Variants in PRKCA observed in about 807,000 individuals in gnomAD.
The protein encoded by PRKCA is protein kinase C alpha type.
A neutral mutation model predicts 87.0 loss-of-function variants in PRKCA; 27 were observed. The ratio of observed to expected loss-of-function variants is 0.31; its 90% CI spans 0.23 to 0.43. The LOEUF (loss-of-function observed/expected upper bound fraction) is 0.43. Among genes scored for constraint, PRKCA ranks in the 20% least tolerant of loss-of-function variants. The pLI is 1.00. For missense variants in PRKCA, 518 were observed against 852.3 expected (o/e 0.61, Z 4.88); for synonymous variants, 329 against 311.1 (o/e 1.06, Z -0.61).
chr17:66,664,761 A>AT (rs1308961839), intron 5 of PRKCA, among the ~76,000 whole-genome samples: 2 of 137,772 alleles, frequency 1.5e-5, no homozygotes, highest in Non-Finnish European at 3.0e-5. Flanking sequence ...GGCTCAAGTG[A>AT]TTCTTCTGCC....
intron 8 of PRKCA, among the ~76,000 whole-genome samples, chr17:66,725,565 C>T (rs543917138): frequency 7.8e-4 from 118 of 151,784 alleles, no homozygotes; most frequent in Admixed American, 1.8e-3. Context: ...AATCCCAGCA[C>T]TTTGAGAGGC....
At chr17:66,674,909 G>A (rs552833715) in intron 5 of PRKCA, among the ~76,000 whole-genome samples, 4 of 152,272 alleles carry the variant, frequency 2.6e-5, no homozygotes, top group African/African-American at 9.6e-5. Flanking sequence ...TTATGCCATG[G>A]AGGGCCTGAC....
chr17:66,443,795 C>G (rs1913894320), intron 2 of PRKCA, among the ~76,000 whole-genome samples: 1 of 152,136 alleles, frequency 6.6e-6, no homozygotes, highest in Non-Finnish European at 1.5e-5. Context: ...CCACCCACAC[C>G]TAATGAAAAA....
chr17:66,801,396 G>A (rs1047223331), intron 16 of PRKCA, among the ~76,000 whole-genome samples: 1 of 152,172 alleles, frequency 6.6e-6, no homozygotes, highest in African/African-American at 2.4e-5. Flanking sequence ...GGTTCCCTGG[G>A]GGAAGAATCA....
chr17:66,730,618 C>T (rs1194621598), intron 8 of PRKCA, among the ~76,000 whole-genome samples: 2 of 152,096 alleles, frequency 1.3e-5, no homozygotes, highest in Non-Finnish European at 2.9e-5. Flanking sequence ...TATAGCATGC[C>T]AATGTATTAT....
rs759957819 is a variant in PRKCA at position 66,738,772 on chromosome 17, G to A, written c.1239G>A (p.Leu413=). 4 of 1,613,698 alleles carry A rather than the reference G, an allele frequency of 2.5e-6. No homozygotes were observed. Among genetic ancestry groups the A allele is most frequent in the Non-Finnish European group, 3.4e-6 (4 of 1,179,868 alleles). Residue 413 remains leucine, a synonymous_variant, in exon 11 of 17, where the codon CTG becomes CTA. Transcript: ENST00000413366. ...LHSCFQTVDR[L]YFVMEYVNGG... is the part of the protein sequence containing the mutation. ...TGAACCTTGGTCTGCAGGATCGGCT[G>A]TACTTCGTCATGGAATATGTCAACG...
At chr17:66,684,234 A>G (rs1972566929) in intron 5 of PRKCA, among the ~76,000 whole-genome samples, 1 of 152,226 alleles carries the variant, frequency 6.6e-6, no homozygotes, top group Admixed American at 6.5e-5. Context: ...TTGTGCTCTC[A>G]CCGAGTGCCT....
At chr17:66,743,412 T>C (rs992711054) in intron 13 of PRKCA, among the ~76,000 whole-genome samples, 2 of 152,188 alleles carry the variant, frequency 1.3e-5, no homozygotes, top group Non-Finnish European at 2.9e-5. Context: ...GTTGCAGTGA[T>C]GGTGTATTAG....
At chr17:66,310,367 C>G (rs926035402) in intron 2 of PRKCA, among the ~76,000 whole-genome samples, 1 of 152,104 alleles carries the variant, frequency 6.6e-6, no homozygotes, top group African/African-American at 2.4e-5. Context: ...CCTGAATGAT[C>G]GTCACTGGAT....
chr17:66,356,188 C>T (rs900486050), intron 2 of PRKCA, among the ~76,000 whole-genome samples: 1 of 152,186 alleles, frequency 6.6e-6, no homozygotes, highest in South Asian at 2.1e-4. Context: ...CATTAGCCAC[C>T]ACGCCCATCG....
chr17:66,484,343 A>G (rs1436704091), intron 2 of PRKCA, among the ~76,000 whole-genome samples: 1 of 152,206 alleles, frequency 6.6e-6, no homozygotes, highest in East Asian at 1.9e-4. Flanking sequence ...AAATAATCAG[A>G]TGACATTTTT....
chr17:66,684,293 T>C (rs1972569426), intron 5 of PRKCA, among the ~76,000 whole-genome samples: 2 of 152,288 alleles, frequency 1.3e-5, no homozygotes, highest in Admixed American at 6.5e-5. Flanking sequence ...AATCCTTGCT[T>C]GAAGGAGATA....
intron 2 of PRKCA, among the ~76,000 whole-genome samples, chr17:66,378,356 C>T (rs1185334639): frequency 6.6e-6 from 1 of 152,056 alleles, no homozygotes; most frequent in Non-Finnish European, 1.5e-5. Flanking sequence ...TCACATATGC[C>T]ATTTAAAATA....
At chr17:66,482,641 C>T (rs1009232695) in intron 2 of PRKCA, among the ~76,000 whole-genome samples, 2 of 152,182 alleles carry the variant, frequency 1.3e-5, no homozygotes, top group East Asian at 1.9e-4. Flanking sequence ...AGTACTTTCA[C>T]CAGCCAGCAA....
chr17:66,557,966 C>T (rs1183765573), intron 3 of PRKCA, among the ~76,000 whole-genome samples: 2 of 152,210 alleles, frequency 1.3e-5, no homozygotes, highest in Non-Finnish European at 2.9e-5. Flanking sequence ...AGTCCAGACA[C>T]CTGCCAGCAA....
At chr17:66,723,682 TG>T (rs1182592715) in intron 8 of PRKCA, among the ~76,000 whole-genome samples, 3 of 150,624 alleles carry the variant, frequency 2.0e-5, no homozygotes, top group African/African-American at 4.9e-5. Context: ...GAATAAAGCA[TG>T]GGGTGCTACA....
At chr17:66,678,281 GA>G (rs1342819860) in intron 5 of PRKCA, among the ~76,000 whole-genome samples, 25 of 152,202 alleles carry the variant, frequency 1.6e-4, no homozygotes, top group African/African-American at 5.3e-4. Context: ...AGAGCCTCCA[GA>G]AGGAACATGG....
chr17:66,484,707 A>G (rs1915924082), intron 2 of PRKCA, among the ~76,000 whole-genome samples: 2 of 152,224 alleles, frequency 1.3e-5, no homozygotes, highest in Non-Finnish European at 2.9e-5. Flanking sequence ...TAGTATAATA[A>G]AAACCATATA....
chr17:66,410,200 A>C, intron 2 of PRKCA, among the ~76,000 whole-genome samples: 1 of 72,660 alleles, frequency 1.4e-5, no homozygotes, highest in Admixed American at 2.1e-4. Context: ...AGGTGATACC[A>C]ACAGAGATTT....
Sources: gnomAD v4.1 joint callset for allele counts (sites outside exome capture counted in the v4.1 genomes callset) on GRCh38, gnomAD v4.1.1 for gene constraint, MANE v1.5 for transcripts, NCBI Gene and HGNC (gene_info 2026-07-23, HGNC 2026-07-21) for gene names.